The following FRMD4A variants were observed in gnomAD, a reference collection of about 807,000 sequenced individuals.
FRMD4A encodes the protein FERM domain containing 4A.
Under a neutral mutation model 129.1 loss-of-function variants are expected in FRMD4A, and 29 were observed. The ratio of observed to expected loss-of-function variants is 0.22; its 90% CI spans 0.17 to 0.31. FRMD4A has a LOEUF of 0.31. Ranked by LOEUF, FRMD4A falls within the 10% of genes least tolerant of loss-of-function variation. The pLI is 1.00. For missense variants in FRMD4A, 1,272 were observed against 1,375.8 expected, an observed-to-expected ratio of 0.92 and a Z score of 1.19; for synonymous variants, 634 against 571.6, an observed-to-expected ratio of 1.11 and a Z score of -1.56.
chr10:13,893,125 G>A (rs1589191094), intron 2 of FRMD4A, among the ~76,000 whole-genome samples: 1 of 151,926 alleles, frequency 6.6e-6, no homozygotes, highest in East Asian at 1.9e-4. Flanking sequence ...TAACCTCCCC[G>A]TCCTGGGCTC....
rs371324276 is a variant in FRMD4A at position 14,255,888 on chromosome 10, C to T, written c.45+74170G>A. On this transcript the variant is annotated intron_variant, in intron 2 of 24. Transcript: ENST00000357447. Reference sequence around the variant, plus strand: ...GGGTGTGGTGGCCTGCACCTTTAATCTCAGCTACTCAGGAGGCTGAGGCAC... The same window carrying T: ...GGGTGTGGTGGCCTGCACCTTTAATTTCAGCTACTCAGGAGGCTGAGGCAC... Among the ~76,000 whole-genome samples, 4 of 151,804 alleles carry T rather than the reference C, an allele frequency of 2.6e-5. No homozygotes were observed. The South Asian group carries it at 6.3e-4, about 24-fold the overall frequency.
At chr10:14,249,354 A>G (rs992623702) in intron 2 of FRMD4A, among the ~76,000 whole-genome samples, 4 of 151,696 alleles carry the variant, frequency 2.6e-5, no homozygotes, top group African/African-American at 9.7e-5. Flanking sequence ...TCTGTCTTAA[A>G]AAAAAAAAAA....
chr10:13,791,207 A>G (rs2092992438), intron 5 of FRMD4A, among the ~76,000 whole-genome samples: 1 of 152,118 alleles, frequency 6.6e-6, no homozygotes, highest in Non-Finnish European at 1.5e-5. Flanking sequence ...CTTAGAGCAA[A>G]AGCCTTGAGT....
intron 13 of FRMD4A, among the ~76,000 whole-genome samples, chr10:13,706,644 A>G (rs2087472767): frequency 6.6e-6 from 1 of 151,910 alleles, no homozygotes; most frequent in African/African-American, 2.4e-5. Flanking sequence ...GATTCTTCAG[A>G]CTCTTCTATA....
At chr10:14,328,178 C>A (rs901044322) in intron 2 of FRMD4A, among the ~76,000 whole-genome samples, 2 of 152,142 alleles carry the variant, frequency 1.3e-5, no homozygotes, top group African/African-American at 4.8e-5. Flanking sequence ...GTGTCAAGAG[C>A]TCTTTCCCCT....
intron 2 of FRMD4A, among the ~76,000 whole-genome samples, chr10:14,203,063 G>A (rs992730089): frequency 1.3e-5 from 2 of 152,252 alleles, no homozygotes; most frequent in East Asian, 1.9e-4. Context: ...GTGAGCCACC[G>A]TGCCTGGCCA....
intron 2 of FRMD4A, among the ~76,000 whole-genome samples, chr10:14,076,630 A>C: frequency 6.6e-6 from 1 of 150,660 alleles, no homozygotes; most frequent in Admixed American, 6.6e-5. Flanking sequence ...ACAGAGCGAG[A>C]CTCCGTCTCA....
intron 16 of FRMD4A, among the ~76,000 whole-genome samples, chr10:13,673,366 G>C (rs1036582617): frequency 6.6e-6 from 1 of 152,086 alleles, no homozygotes; most frequent in Admixed American, 6.6e-5. Context: ...CTCACTCCAC[G>C]GCCCCTTGTT....
In FRMD4A at chr10:14,098,288, G is replaced by T. The variant is rs190748980; in HGVS notation, c.45+231770C>A. ...ATTCCTGTACATTTCCATTACAGTTGTGGTTCTAAAATGCAGATCATATCA... is the reference window on the plus strand; with the variant it reads ...ATTCCTGTACATTTCCATTACAGTTTTGGTTCTAAAATGCAGATCATATCA... On this transcript the variant is annotated intron_variant, in intron 2 of 24. Transcript: ENST00000357447. 3.0e-4 allele frequency among the ~76,000 whole-genome samples: 46 copies of T among 151,250 alleles called. 1 individual carries two copies. In the South Asian group the frequency reaches 8.3e-3, roughly 27 times the overall value.
chr10:14,141,950 T>C (rs1839857969), intron 2 of FRMD4A, among the ~76,000 whole-genome samples: 1 of 152,140 alleles, frequency 6.6e-6, no homozygotes, highest in South Asian at 2.1e-4. Flanking sequence ...AAAATCTCGT[T>C]TCCCTTTAGG....
chr10:13,783,696 C>T lies in FRMD4A; in HGVS notation c.300-690G>A, dbSNP rs578180211. On this transcript the variant is annotated intron_variant, in intron 5 of 24. Transcript: ENST00000357447. ...TTGGATTTTTAAAAGATAATTTCTTCTTAATCACAGCTTTCTTTGAAATGG... is the reference window on the plus strand; with the variant it reads ...TTGGATTTTTAAAAGATAATTTCTTTTTAATCACAGCTTTCTTTGAAATGG... 3.3e-5 allele frequency among the ~76,000 whole-genome samples: 5 copies of T among 152,220 alleles called. No homozygotes were observed. The East Asian group carries it at 9.6e-4, about 29-fold the overall frequency.
chr10:13,949,301 C>CAA (rs34006963), intron 2 of FRMD4A, among the ~76,000 whole-genome samples: 4,015 of 98,642 alleles, frequency 0.041, 143 homozygotes, highest in African/African-American at 0.079. Context: ...TTCTAGTGAT[C>CAA]AAAAAAAAAA....
chr10:14,324,122 C>A (rs1033978995), intron 2 of FRMD4A, among the ~76,000 whole-genome samples: 1 of 151,982 alleles, frequency 6.6e-6, no homozygotes, highest in Non-Finnish European at 1.5e-5. Flanking sequence ...TAGTCTCTGT[C>A]GATTAGACTA....
chr10:14,202,132 C>T (rs1432343254), intron 2 of FRMD4A, among the ~76,000 whole-genome samples: 1 of 75,704 alleles, frequency 1.3e-5, no homozygotes, highest in East Asian at 4.7e-4. Flanking sequence ...AGCAAGAATC[C>T]GTCTCAAGAA....
chr10:13,670,478 T>C lies in FRMD4A; in HGVS notation c.1302A>G (p.Glu434=), dbSNP rs755316266. The part of the protein sequence containing the change: ...PVEYPLDPGE[E]PPIVRRRIGT... ...CTATTCTTCTCCGAACAATGGGTGGTTCCTCCCCTGGATCCAGGGGATATT... is the reference window on the plus strand; with the variant it reads ...CTATTCTTCTCCGAACAATGGGTGGCTCCTCCCCTGGATCCAGGGGATATT... Residue 434 remains glutamate, a synonymous_variant, in exon 17 of 25, where the codon GAA becomes GAG. Coordinates refer to ENST00000357447, the MANE Select transcript of FRMD4A (RefSeq NM_018027.5). 2 of 1,612,774 alleles carry C rather than the reference T, an allele frequency of 1.2e-6. No homozygotes were observed. The highest frequency in any genetic ancestry group is 4.5e-5 in the East Asian group (2 of 44,838).
intron 2 of FRMD4A, among the ~76,000 whole-genome samples, chr10:13,897,455 G>A (rs981656768): frequency 6.6e-6 from 1 of 152,116 alleles, no homozygotes; most frequent in African/African-American, 2.4e-5. Flanking sequence ...GGGGAGGTAG[G>A]AAGGGATGGA....
At chr10:14,290,962 T>TGTG (rs1845833719) in intron 2 of FRMD4A, among the ~76,000 whole-genome samples, 1 of 152,118 alleles carries the variant, frequency 6.6e-6, no homozygotes, top group Non-Finnish European at 1.5e-5. Flanking sequence ...GTGTAATTAC[T>TGTG]GGACATTTCA....
In FRMD4A at chr10:14,040,024, T is replaced by C. The variant is rs1428837577; in HGVS notation, c.46-181112A>G. Among the ~76,000 whole-genome samples, 5 of 152,332 alleles carry C rather than the reference T, an allele frequency of 3.3e-5. No individual in the cohort carries two copies. The East Asian group carries it at 9.6e-4, about 29-fold the overall frequency. On this transcript the variant is annotated intron_variant, in intron 2 of 24. Transcript: ENST00000357447. ...GTGCTAGGCACTGTTCCAAGTGCCT[T>C]AGAAATATGAACTTACTTAATCCTC... is the stretch of plus-strand genomic sequence containing the variant.
intron 2 of FRMD4A, among the ~76,000 whole-genome samples, chr10:13,884,224 A>ACACT (rs1413660580): frequency 6.7e-6 from 1 of 150,050 alleles, no homozygotes; most frequent in Admixed American, 6.6e-5. Context: ...ACACACACAC[A>ACACT]CACACACACA....
Sources: allele counts gnomAD v4.1 joint callset (sites outside exome capture counted in the v4.1 genomes callset), GRCh38; gene constraint gnomAD v4.1.1; transcripts MANE v1.5; gene names NCBI Gene and HGNC (gene_info 2026-07-23, HGNC 2026-07-21).